OR2C1: variants seen among roughly 807,000 people sequenced by gnomAD.
The protein encoded by OR2C1 is olfactory receptor 2C1.
For synonymous variants in OR2C1, 209 were observed against 167.3 expected, an observed-to-expected ratio of 1.25 and a Z score of -1.92; for missense variants, 468 against 388.3, an observed-to-expected ratio of 1.21 and a Z score of -1.73.
the OR2C1 span, among the ~76,000 whole-genome samples, chr16:3,325,105 T>TG: frequency 3.3e-5 from 5 of 152,078 alleles, no homozygotes; most frequent in African/African-American, 1.2e-4. Context: ...TCTCAGCCTC[T>TG]GAAGTAGCTG....
the OR2C1 span, chr16:3,323,001 A>T: frequency 1.1e-6 from 1 of 874,482 alleles, no homozygotes; most frequent in Non-Finnish European, 1.4e-6. Context: ...TTGGAACTGG[A>T]CTGTGATGAG....
the OR2C1 span, among the ~76,000 whole-genome samples, chr16:3,339,454 A>T: frequency 2.0e-5 from 3 of 152,006 alleles, no homozygotes; most frequent in African/African-American, 4.8e-5. Context: ...CAGTGGCTGA[A>T]CCATTTTACT....
the OR2C1 span, among the ~76,000 whole-genome samples, chr16:3,350,055 C>CTTTTTTTTTT: frequency 9.7e-6 from 1 of 102,734 alleles, no homozygotes. Flanking sequence ...AAAAGGGAAT[C>CTTTTTTTTTT]TTTTTTTTTT....
chr16:3,329,853 C>G, the OR2C1 span, among the ~76,000 whole-genome samples: 1 of 139,950 alleles, frequency 7.1e-6, no homozygotes, highest in African/African-American at 2.7e-5. Context: ...TTCCCGGGTT[C>G]AAGTGATTCC....
At chr16:3,338,239 G>A in the OR2C1 span, among the ~76,000 whole-genome samples, 4 of 152,198 alleles carry the variant, frequency 2.6e-5, no homozygotes, top group African/African-American at 9.6e-5. Flanking sequence ...GGGAATGGTA[G>A]TTCCACTTAC....
Position 3,355,909 on chromosome 16 carries a change from T to C in OR2C1, c.-32T>C, listed in dbSNP as rs1454959597. 3 of 1,505,118 alleles carry C rather than the reference T, an allele frequency of 2.0e-6. No individual in the cohort carries two copies. The highest frequency in any genetic ancestry group is 9.0e-7 in the Non-Finnish European group (1 of 1,105,352). The allele number at this position is 1,505,118 out of a possible 1,614,324, so 93.2% of individuals were successfully genotyped here. A position where few individuals can be genotyped will look rare whatever the true frequency, so the allele number is the denominator to read the frequency against. The stretch of plus-strand genomic sequence containing the variant: ...TTTTCTTCCAGCAGCTTGCGCTAAA[T>C]GAATTCATCAAGTGACTGAAGACAA... On this transcript the variant is annotated 5_prime_UTR_variant, in exon 1 of 1. It removes an upstream start codon present in the reference 5' UTR. Transcript: ENST00000304936.
At chr16:3,337,631 A>G in the OR2C1 span, among the ~76,000 whole-genome samples, 3 of 152,142 alleles carry the variant, frequency 2.0e-5, no homozygotes, top group East Asian at 1.9e-4. Context: ...TATTTCTCAG[A>G]TACATTTTTG....
chr16:3,339,680 T>A, the OR2C1 span, among the ~76,000 whole-genome samples: 3 of 152,168 alleles, frequency 2.0e-5, no homozygotes, highest in Admixed American at 2.0e-4. Flanking sequence ...ATGGTCTCGA[T>A]CTCTTGACCT....
At position 3,356,476 on chromosome 16, in the gene OR2C1, G is replaced by T; in HGVS notation, c.536G>T (p.Cys179Phe). The change falls in exon 1 of 1, where the codon TGC becomes TTC. Residue 179 changes from cysteine to phenylalanine, a missense_variant. Transcript: ENST00000304936. ...CGHRRVEGFL[C>F]EVPAMIKLAC... ...CACCGGAGGGTGGAGGGATTCCTCTGCGAGGTGCCTGCCATGATCAAACTG... is the reference window on the plus strand; with the variant it reads ...CACCGGAGGGTGGAGGGATTCCTCTTCGAGGTGCCTGCCATGATCAAACTG... 1.2e-6 allele frequency: 2 copies of T among 1,614,088 alleles called. No individual in the cohort carries two copies. Among genetic ancestry groups the T allele is most frequent in the Non-Finnish European group, 1.7e-6 (2 of 1,180,046 alleles).
At chr16:3,323,701 T>G in the OR2C1 span, 5 of 684,990 alleles carry the variant, frequency 7.3e-6, no homozygotes, top group Admixed American at 2.2e-5. Context: ...AGGCACGAGG[T>G]TTCATTTCTA....
At chr16:3,344,717 G>T in the OR2C1 span, among the ~76,000 whole-genome samples, 1 of 129,348 alleles carries the variant, frequency 7.7e-6, no homozygotes. Context: ...GACAGAGTGA[G>T]ACTCTGTCTC....
the OR2C1 span, among the ~76,000 whole-genome samples, chr16:3,336,704 C>CTTT: frequency 2.7e-4 from 12 of 44,992 alleles, no homozygotes; most frequent in African/African-American, 6.8e-4. Context: ...TCTTTTCTTT[C>CTTT]TTTCTTTCTT....
chr16:3,333,233 T>G, the OR2C1 span, among the ~76,000 whole-genome samples: 62 of 140,560 alleles, frequency 4.4e-4, 1 homozygote, highest in African/African-American at 1.6e-3. Context: ...TTTTTTTTTT[T>G]TTTTTTTTTT....
At chr16:3,355,606 A>T (rs928474997), upstream of OR2C1, among the ~76,000 whole-genome samples, 11 of 151,844 alleles carry the variant, frequency 7.2e-5, no homozygotes, top group Non-Finnish European at 2.9e-5. Flanking sequence ...ACATGGCAAA[A>T]CCCCATCTCT....
At chr16:3,336,060 A>G in the OR2C1 span, among the ~76,000 whole-genome samples, 4 of 152,150 alleles carry the variant, frequency 2.6e-5, no homozygotes, top group African/African-American at 9.7e-5. Context: ...TGGGTTTGTC[A>G]TATATGGACT....
At chr16:3,355,465 A>AAAAAAAAAAAAAAAAAC (rs1382052254), upstream of OR2C1, among the ~76,000 whole-genome samples, 15 of 141,634 alleles carry the variant, frequency 1.1e-4, 1 homozygote, top group Non-Finnish European at 2.2e-4. Flanking sequence ...CTCAAAAAAA[A>AAAAAAAAAAAAAAAAAC]AAAAAAAGCT....
the OR2C1 span, among the ~76,000 whole-genome samples, chr16:3,338,538 C>CTTTTTTTTTTTTTTTTTTTTTTTTTT: frequency 9.7e-6 from 1 of 103,286 alleles, no homozygotes; most frequent in Non-Finnish European, 1.8e-5. Flanking sequence ...GTATAGGTAC[C>CTTTTTTTTTTTTTTTTTTTTTTTTTT]TTTTTTTTTT....
At chr16:3,352,738 CTTTTTTT>C (rs56083973), upstream of OR2C1, among the ~76,000 whole-genome samples, 1 of 113,134 alleles carries the variant, frequency 8.8e-6, no homozygotes, top group Non-Finnish European at 1.8e-5. Context: ...TTCTTTCTTT[CTTTTTTT>C]TTTTTTTTTT....
chr16:3,356,813 G>A lies in OR2C1; in HGVS notation c.873G>A (p.Thr291=), dbSNP rs764743341. 9.9e-6 allele frequency: 16 copies of A among 1,613,650 alleles called. No homozygotes were observed. The highest frequency in any genetic ancestry group is 8.9e-5 in the East Asian group (4 of 44,892). The stretch of plus-strand genomic sequence containing the variant: ...CCATGGTGAATCCCCTCATCTACAC[G>A]CTGCGGAACATGGAAGTGAAGGGCG... ...VTPMVNPLIY[T]LRNMEVKGAL... is the part of the protein sequence containing the mutation. Residue 291 remains threonine (T), a synonymous_variant, in exon 1 of 1, where the codon ACG becomes ACA. Coordinates refer to ENST00000304936, the MANE Select transcript of OR2C1 (RefSeq NM_012368.3).
Sources: gnomAD v4.1 joint callset for allele counts (sites outside exome capture counted in the v4.1 genomes callset) on GRCh38, gnomAD v4.1.1 for gene constraint, MANE v1.5 for transcripts, NCBI Gene and HGNC (gene_info 2026-07-23, HGNC 2026-07-21) for gene names.